Variants in LIN54 observed in about 807,000 individuals in gnomAD.
LIN54 encodes protein lin-54 homolog.
In LIN54, 9 loss-of-function variants were observed where a neutral mutation model predicts 78.7. The ratio of observed to expected loss-of-function variants is 0.11; its 90% CI spans 0.07 to 0.20. LIN54 has a LOEUF of 0.20. LIN54 is among the 10% of genes least tolerant of loss of function. The pLI is 1.00. For synonymous variants in LIN54, 269 were observed against 318.4 expected, an observed-to-expected ratio of 0.84 and a Z score of 1.65; for missense variants, 573 against 889.9, an observed-to-expected ratio of 0.64 and a Z score of 4.53.
intron 1 of LIN54, among the ~76,000 whole-genome samples, chr4:82,989,554 A>G (rs1456675325): frequency 6.6e-6 from 1 of 152,196 alleles, no homozygotes; most frequent in East Asian, 1.9e-4. Context: ...TATCCAACAG[A>G]ACCATAAAAG....
At chr4:82,948,543 GT>G (rs891665218) in intron 4 of LIN54, among the ~76,000 whole-genome samples, 3 of 152,122 alleles carry the variant, frequency 2.0e-5, no homozygotes, top group Admixed American at 2.0e-4. Context: ...TGTCCATTTT[GT>G]TTGTTTTTGT....
At chr4:82,975,150 A>G (rs1726056833) in intron 3 of LIN54, among the ~76,000 whole-genome samples, 1 of 151,918 alleles carries the variant, frequency 6.6e-6, no homozygotes, top group Non-Finnish European at 1.5e-5. Flanking sequence ...TTGAGGTCAT[A>G]AGTTCAAGAC....
At chr4:82,942,207 A>C (rs1398540178) in intron 5 of LIN54, among the ~76,000 whole-genome samples, 1 of 152,202 alleles carries the variant, frequency 6.6e-6, no homozygotes, top group Non-Finnish European at 1.5e-5. Context: ...GAGTCCTAGA[A>C]GAGAATCTTA....
At chr4:83,008,515 G>A (rs537799402) in intron 1 of LIN54, among the ~76,000 whole-genome samples, 5 of 152,232 alleles carry the variant, frequency 3.3e-5, no homozygotes, top group Admixed American at 2.6e-4. Context: ...AGCCCGGCGT[G>A]GTGGCGGGCG....
At chr4:82,993,537 A>G (rs1727926511) in intron 1 of LIN54, among the ~76,000 whole-genome samples, 1 of 151,812 alleles carries the variant, frequency 6.6e-6, no homozygotes, top group African/African-American at 2.4e-5. Context: ...AGATGGAAAC[A>G]CAGATCAGGG....
Position 82,925,679 on chromosome 4 carries a change from AGTG to A in LIN54, c.*2420_*2422del, listed in dbSNP as rs566824897. 3.5e-3 allele frequency: 534 copies of A among 152,774 alleles called. 6 individuals carry two copies. The highest frequency in any genetic ancestry group is 0.011 in the African/African-American group (476 of 41,584). 9.5% of individuals were successfully genotyped at this position (152,774 alleles called of 1,614,324 possible). The stretch of plus-strand genomic sequence containing the variant: ...TTTTTGCATATTAAATGGTTAATAA[AGTG>A]GTGTTATTATACTAAAGAAAAAATG... On this transcript the variant is annotated 3_prime_UTR_variant, in exon 13 of 13. Coordinates refer to ENST00000340417, the MANE Select transcript of LIN54 (RefSeq NM_194282.4).
chr4:83,004,483 A>T (rs1256230464), intron 1 of LIN54, among the ~76,000 whole-genome samples: 1 of 144,668 alleles, frequency 6.9e-6, no homozygotes, highest in Non-Finnish European at 1.6e-5. Flanking sequence ...TTCACTATGG[A>T]AAGAAATACA....
intron 4 of LIN54, among the ~76,000 whole-genome samples, chr4:82,959,525 C>A (rs538304073): frequency 1.3e-4 from 20 of 151,876 alleles, no homozygotes; most frequent in Admixed American, 6.6e-4. Context: ...ACAAAAAAAA[C>A]CCCAAAACCA....
At chr4:82,974,858 CAAAA>C (rs57555387) in intron 3 of LIN54, among the ~76,000 whole-genome samples, 2 of 132,022 alleles carry the variant, frequency 1.5e-5, no homozygotes, top group South Asian at 2.4e-4. Flanking sequence ...CAGACTGTCT[CAAAA>C]AAAAAAAAAA....
At chr4:82,946,145 G>C in intron 5 of LIN54, 113 bp downstream of exon 5, 3 of 859,860 alleles carry the variant, frequency 3.5e-6, no homozygotes, top group Non-Finnish European at 5.8e-6. Flanking sequence ...CCAGTTACTG[G>C]CTCAAACTCA....
chr4:82,989,943 G>A (rs1281387440), intron 1 of LIN54, among the ~76,000 whole-genome samples: 1 of 152,176 alleles, frequency 6.6e-6, no homozygotes, highest in Non-Finnish European at 1.5e-5. Flanking sequence ...GAAGTTGAGT[G>A]TACAACAACC....
intron 1 of LIN54, among the ~76,000 whole-genome samples, chr4:82,987,092 A>C (rs1321416411): frequency 6.6e-6 from 1 of 152,210 alleles, no homozygotes; most frequent in Non-Finnish European, 1.5e-5. Context: ...GGTGTTCGAG[A>C]CCAGCCTGGC....
intron 3 of LIN54, among the ~76,000 whole-genome samples, chr4:82,974,703 T>C (rs545491870): frequency 4.7e-4 from 71 of 151,842 alleles, no homozygotes; most frequent in Non-Finnish European, 8.5e-4. Flanking sequence ...CACCACTGCA[T>C]TCCAACCTGG....
Position 82,939,654 on chromosome 4 carries a change from G to C in LIN54, c.1325C>G (p.Pro442Arg). The change falls in exon 7 of 13, where the codon CCA (proline) becomes CGA (arginine). Residue 442 changes from proline (P) to arginine (R), a missense_variant. This residue lies in a region of LIN54 where 101 missense variants were observed against 194.2 expected (regional missense o/e 0.52). Coordinates refer to ENST00000340417, the MANE Select transcript of LIN54 (RefSeq NM_194282.4). ...GAGGTTGGGCTGGATCTGTGGCAGT[G>C]GTGTGGCAGGCATGATAAGCCGTTG... ...PQQRLIMPAT[P>R]LPQIQPNLTN... 1 of 1,613,960 alleles carries C rather than the reference G, an allele frequency of 6.2e-7. No homozygotes were observed. The highest frequency in any genetic ancestry group is 8.5e-7 in the Non-Finnish European group (1 of 1,179,800).
At chr4:82,984,079 G>A in intron 2 of LIN54, 82 bp downstream of exon 2, 1 of 900,122 alleles carries the variant, frequency 1.1e-6, no homozygotes, top group African/African-American at 1.7e-5. Flanking sequence ...TATGTATTTA[G>A]TAACCCTATA....
At chr4:82,998,941 CA>C (rs1254807289) in intron 1 of LIN54, among the ~76,000 whole-genome samples, 1 of 152,088 alleles carries the variant, frequency 6.6e-6, no homozygotes, top group East Asian at 1.9e-4. Flanking sequence ...CAAATTATAT[CA>C]TTTGCAGTGG....
chr4:82,975,421 C>T (rs1473950177), intron 3 of LIN54, among the ~76,000 whole-genome samples: 1 of 151,588 alleles, frequency 6.6e-6, no homozygotes, highest in African/African-American at 2.4e-5. Flanking sequence ...AAAAGAACTA[C>T]ATGATGAGGC....
chr4:83,003,916 A>T (rs1729076386), intron 1 of LIN54, among the ~76,000 whole-genome samples: 1 of 152,206 alleles, frequency 6.6e-6, no homozygotes, highest in Non-Finnish European at 1.5e-5. Context: ...ACCACATCAC[A>T]TCCAAAATCA....
chr4:82,937,753 C>T (rs1269080598), intron 8 of LIN54, among the ~76,000 whole-genome samples: 11 of 152,122 alleles, frequency 7.2e-5, no homozygotes, highest in South Asian at 4.1e-4. Flanking sequence ...TAATTAAGCA[C>T]GGCTTCTAAG....
Sources: allele counts gnomAD v4.1 joint callset (sites outside exome capture counted in the v4.1 genomes callset), GRCh38; gene constraint gnomAD v4.1.1; regional missense constraint gnomAD v4.1.1; transcripts MANE v1.5; gene names NCBI Gene and HGNC (gene_info 2026-07-23, HGNC 2026-07-21).